Variants in SLC25A13 observed in about 807,000 individuals in gnomAD.
The protein encoded by SLC25A13 is solute carrier family 25 member 13.
A neutral mutation model predicts 85.5 loss-of-function variants in SLC25A13; 70 were observed. That is an observed-to-expected ratio of 0.82 (90% CI 0.68 to 1.00). The LOEUF (loss-of-function observed/expected upper bound fraction) is 1.00. SLC25A13 is among the 50% of genes least tolerant of loss of function. SLC25A13 has a pLI of 0.00. For missense variants in SLC25A13, 765 were observed against 819.8 expected (o/e 0.93, Z 0.82); for synonymous variants, 259 against 288.7 (o/e 0.90, Z 1.04).
intron 13 of SLC25A13, among the ~76,000 whole-genome samples, chr7:96,159,928 T>C (rs1793443228): frequency 6.6e-6 from 1 of 152,028 alleles, no homozygotes; most frequent in African/African-American, 2.4e-5. Context: ...CTTCATGGGG[T>C]TTTAATGGGC....
In SLC25A13 at chr7:96,146,556, C is replaced by T. The variant is rs771211154; in HGVS notation, c.1452G>A (p.Lys484=). Residue 484 remains lysine, a splice_region_variant and synonymous_variant, in exon 14 of 18, where the codon AAG becomes AAA. Transcript: ENST00000265631. ...VRDLGFFGIY[K]GAKACFLRDI... is the part of the protein sequence containing the mutation. The stretch of plus-strand genomic sequence containing the variant: ...ATGACTAAAAAAAAAAAAAAGTTAC[C>T]TTGTAGATCCCAAAAAACCCCAGGT... The T allele has an allele frequency of 1.2e-5, 20 of 1,612,612 alleles. No individual in the cohort carries two copies. Among genetic ancestry groups the T allele is most frequent in the African/African-American group, 1.3e-5 (1 of 74,590 alleles).
intron 3 of SLC25A13, among the ~76,000 whole-genome samples, chr7:96,242,071 C>A (rs1216756412): frequency 6.6e-6 from 1 of 152,186 alleles, no homozygotes; most frequent in Non-Finnish European, 1.5e-5. Flanking sequence ...ATCCAATTAC[C>A]ACTTTTACTG....
chr7:96,222,270 G>C (rs1477148223), intron 4 of SLC25A13, among the ~76,000 whole-genome samples: 1 of 152,180 alleles, frequency 6.6e-6, no homozygotes, highest in Non-Finnish European at 1.5e-5. Context: ...AACTGGACCA[G>C]TTTCTTTCAG....
chr7:96,166,743 C>G (rs1793764443), intron 13 of SLC25A13, among the ~76,000 whole-genome samples: 1 of 152,076 alleles, frequency 6.6e-6, no homozygotes, highest in South Asian at 2.1e-4. Context: ...GGTAATACAT[C>G]AATTTTCAGA....
chr7:96,161,657 TCTC>T (rs1277283994), intron 13 of SLC25A13, among the ~76,000 whole-genome samples: 2 of 152,096 alleles, frequency 1.3e-5, no homozygotes, highest in South Asian at 2.1e-4. Context: ...TGAAGGAAGA[TCTC>T]CTCAAGTGGC....
intron 11 of SLC25A13, among the ~76,000 whole-genome samples, chr7:96,178,573 G>A (rs188269235): frequency 7.6e-4 from 116 of 152,046 alleles, no homozygotes; most frequent in Admixed American, 4.5e-3. Context: ...CAACCCCTCC[G>A]ATGTCAAATT....
In SLC25A13 at chr7:96,208,553, C is replaced by T. The variant is rs138719199; in HGVS notation, c.468+285G>A. On this transcript the variant is annotated intron_variant, in intron 5 of 17. Transcript: ENST00000265631. ...CGGAGTCTCGCTCTTTCACCCAGGC[C>T]GGACTGCAGTGGTGCGATCTCAGCT... Among the ~76,000 whole-genome samples the T allele has an allele frequency of 0.023, 3,414 of 150,986 alleles. 122 individuals are homozygous for T. Among genetic ancestry groups the T allele is most frequent in the African/African-American group, 0.078 (3,186 of 40,966 alleles).
intron 1 of SLC25A13, among the ~76,000 whole-genome samples, chr7:96,300,990 T>A (rs950154146): frequency 1.3e-5 from 2 of 152,248 alleles, no homozygotes; most frequent in Non-Finnish European, 2.9e-5. Flanking sequence ...TTACACAACT[T>A]AATTGAAGAC....
intron 13 of SLC25A13, among the ~76,000 whole-genome samples, chr7:96,161,429 C>T (rs761110536): frequency 1.3e-5 from 2 of 152,182 alleles, no homozygotes; most frequent in African/African-American, 4.8e-5. Context: ...TATACAGAGT[C>T]ACTACCCTTC....
intron 11 of SLC25A13, among the ~76,000 whole-genome samples, chr7:96,178,536 T>C (rs547796979): frequency 5.3e-5 from 8 of 152,296 alleles, no homozygotes; most frequent in African/African-American, 1.9e-4. Flanking sequence ...CAGCACACTG[T>C]TGTGTTATCT....
intron 14 of SLC25A13, among the ~76,000 whole-genome samples, chr7:96,140,000 C>T (rs1792458806): frequency 7.2e-6 from 1 of 139,512 alleles, no homozygotes; most frequent in African/African-American, 2.7e-5. Context: ...GCTCTGTCGC[C>T]CAGGCTGGAG....
At chr7:96,293,277 T>C (rs1799199987) in intron 2 of SLC25A13, among the ~76,000 whole-genome samples, 3 of 152,130 alleles carry the variant, frequency 2.0e-5, no homozygotes, top group African/African-American at 7.2e-5. Flanking sequence ...CAAAAATTAA[T>C]TCAAGATGGA....
At chr7:96,239,492 T>A (rs1468846796) in intron 3 of SLC25A13, among the ~76,000 whole-genome samples, 1 of 152,146 alleles carries the variant, frequency 6.6e-6, no homozygotes, top group Non-Finnish European at 1.5e-5. Flanking sequence ...CAGACCTGGC[T>A]GGTGAACTCA....
chr7:96,128,939 G>GCTCTCTCTCTCTCTCTCCCTCT (rs1791871899), intron 15 of SLC25A13, among the ~76,000 whole-genome samples: 1 of 81,850 alleles, frequency 1.2e-5, no homozygotes, highest in Non-Finnish European at 2.5e-5. Flanking sequence ...TGCCTTGCTT[G>GCTCTCTCTCTCTCTCTCCCTCT]CTCTCTCTCT....
intron 1 of SLC25A13, among the ~76,000 whole-genome samples, chr7:96,310,211 T>A (rs1440829618): frequency 1.3e-5 from 2 of 152,212 alleles, no homozygotes; most frequent in Non-Finnish European, 2.9e-5. Context: ...TCGATTCTTT[T>A]CTTTATTTGT....
At chr7:96,305,894 C>T (rs1345119505) in intron 1 of SLC25A13, among the ~76,000 whole-genome samples, 1 of 152,116 alleles carries the variant, frequency 6.6e-6, no homozygotes, top group Non-Finnish European at 1.5e-5. Context: ...CAGAAGGAAG[C>T]AAAAAGGAAA....
chr7:96,234,767 A>T (rs1320756192), intron 4 of SLC25A13, 35 bp downstream of exon 4: 1 of 1,502,662 alleles, frequency 6.7e-7, no homozygotes, highest in Admixed American at 1.7e-5. Context: ...ACAAGTCCAC[A>T]CTTACACAGA....
chr7:96,147,649 G>A (rs1242495124), intron 13 of SLC25A13, among the ~76,000 whole-genome samples: 1 of 152,132 alleles, frequency 6.6e-6, no homozygotes, highest in Non-Finnish European at 1.5e-5. Flanking sequence ...TAGCTACAAG[G>A]ATGGCCTTTG....
intron 13 of SLC25A13, among the ~76,000 whole-genome samples, chr7:96,155,200 C>T (rs145755028): frequency 0.01 from 1,555 of 152,240 alleles, 20 homozygotes; most frequent in African/African-American, 0.034. Context: ...GAATTTGAGT[C>T]TGAAAGTACA....
Sources: gnomAD v4.1 joint callset for allele counts (sites outside exome capture counted in the v4.1 genomes callset) on GRCh38, gnomAD v4.1.1 for gene constraint, MANE v1.5 for transcripts, NCBI Gene and HGNC (gene_info 2026-07-23, HGNC 2026-07-21) for gene names.